The following VPS8 variants were observed in gnomAD, a reference collection of about 807,000 sequenced individuals.
VPS8 encodes VPS8 subunit of CORVET complex.
VPS8 carries 129 observed loss-of-function variants against 216.4 expected under a neutral mutation model. The observed-to-expected ratio is 0.60, with a 90% CI of 0.52 to 0.69. The LOEUF (loss-of-function observed/expected upper bound fraction) is 0.69. Ranked by LOEUF, VPS8 falls within the 30% of genes least tolerant of loss-of-function variation. VPS8 has a pLI of 0.00. For missense variants in VPS8, 1,531 were observed against 1,683.5 expected, an observed-to-expected ratio of 0.91 and a Z score of 1.59; for synonymous variants, 571 against 565.4, an observed-to-expected ratio of 1.01 and a Z score of -0.14.
At chr3:184,974,934 G>C (rs1749019581) in intron 40 of VPS8, among the ~76,000 whole-genome samples, 2 of 152,108 alleles carry the variant, frequency 1.3e-5, no homozygotes, top group South Asian at 2.1e-4. Context: ...TTTCATACCA[G>C]TACTGTGCTG....
chr3:184,891,260 TTC>T (rs1732290056), intron 22 of VPS8, among the ~76,000 whole-genome samples: 1 of 152,170 alleles, frequency 6.6e-6, no homozygotes, highest in Non-Finnish European at 1.5e-5. Flanking sequence ...CCAAAAATGT[TTC>T]TGTTAAATCC....
At chr3:184,969,074 T>A (rs1163347632) in intron 39 of VPS8, among the ~76,000 whole-genome samples, 1 of 152,190 alleles carries the variant, frequency 6.6e-6, no homozygotes, top group Middle Eastern at 3.2e-3. Flanking sequence ...TTATGTTTGT[T>A]ACATTTTGTG....
intron 45 of VPS8, among the ~76,000 whole-genome samples, chr3:185,005,421 T>C (rs9825555): frequency 0.089 from 13,591 of 152,182 alleles, 646 homozygotes; most frequent in African/African-American, 0.096. Flanking sequence ...ATGATGATGG[T>C]ATTTTGATGG....
At chr3:184,862,548 A>G (rs866428899) in intron 15 of VPS8, among the ~76,000 whole-genome samples, 1 of 152,214 alleles carries the variant, frequency 6.6e-6, no homozygotes, top group Admixed American at 6.5e-5. Flanking sequence ...TTTCAGCAAT[A>G]TCAGAAAAAC....
At chr3:185,002,043 TTA>T (rs1753491119) in intron 45 of VPS8, among the ~76,000 whole-genome samples, 1 of 152,094 alleles carries the variant, frequency 6.6e-6, no homozygotes, top group Non-Finnish European at 1.5e-5. Context: ...CTAGACGAGT[TTA>T]AGTGCAACAA....
chr3:184,982,368 T>C, intron 40 of VPS8, 198 bp from the exon 41 acceptor site: 1 of 547,988 alleles, frequency 1.8e-6, no homozygotes, highest in Non-Finnish European at 3.2e-6. Context: ...GTTCTAGCTG[T>C]GGTTTCTGCT....
At chr3:184,831,289 T>C (rs549057557) in intron 3 of VPS8, among the ~76,000 whole-genome samples, 11 of 152,292 alleles carry the variant, frequency 7.2e-5, no homozygotes, top group Admixed American at 6.5e-4. Context: ...ATTGTGCTAC[T>C]GCACACCGGC....
chr3:184,845,645 C>G (rs997238599), intron 8 of VPS8, among the ~76,000 whole-genome samples: 7 of 151,082 alleles, frequency 4.6e-5, no homozygotes, highest in Non-Finnish European at 8.8e-5. Context: ...ATCCCAGCAA[C>G]TTGGGAGGCT....
intron 10 of VPS8, among the ~76,000 whole-genome samples, chr3:184,851,093 A>G (rs754986531): frequency 6.6e-6 from 1 of 152,224 alleles, no homozygotes; most frequent in African/African-American, 2.4e-5. Context: ...TGTTTTACCC[A>G]TAGTAGCTGC....
intron 20 of VPS8, among the ~76,000 whole-genome samples, chr3:184,869,966 T>C (rs1374619898): frequency 2.0e-5 from 3 of 151,790 alleles, no homozygotes; most frequent in Admixed American, 6.5e-5. Flanking sequence ...TTTTCTTTTT[T>C]CCCTTGCTCA....
chr3:184,812,169 G>GCAGT lies in VPS8; in HGVS notation c.-144_-141dup, dbSNP rs1165602804. On this transcript the variant is annotated 5_prime_UTR_variant, in exon 1 of 48. Transcript: ENST00000625842. ...GGTAGTGCGCGTGCGTGAGGCTAGA[G>GCAGT]CAGTGGGTGCGGTCACGTGGGCCGG... 1.3e-5 allele frequency: 2 copies of GCAGT among 152,558 alleles called. No individual in the cohort carries two copies. The highest frequency in any genetic ancestry group is 3.9e-4 in the East Asian group (2 of 5,194). 9.5% of individuals were successfully genotyped at this position (152,558 alleles called of 1,614,324 possible).
chr3:184,973,706 C>T (rs2109662254), intron 40 of VPS8, among the ~76,000 whole-genome samples: 1 of 152,232 alleles, frequency 6.6e-6, no homozygotes, highest in East Asian at 1.9e-4. Flanking sequence ...TACCCCCACC[C>T]ATCCTTACCA....
intron 1 of VPS8, among the ~76,000 whole-genome samples, chr3:184,820,343 A>G (rs1327796917): frequency 4.6e-5 from 7 of 152,108 alleles, no homozygotes; most frequent in Admixed American, 1.3e-4. Flanking sequence ...TCCGTGTTCA[A>G]CGCCTGTGAC....
At chr3:184,999,053 T>C (rs1358652301) in intron 44 of VPS8, among the ~76,000 whole-genome samples, 1 of 151,642 alleles carries the variant, frequency 6.6e-6, no homozygotes, top group Non-Finnish European at 1.5e-5. Flanking sequence ...GGCTAATTTT[T>C]TGGTTTTTGG....
chr3:184,927,927 C>T (rs111933491), intron 31 of VPS8, among the ~76,000 whole-genome samples: 2 of 152,302 alleles, frequency 1.3e-5, no homozygotes, highest in African/African-American at 4.8e-5. Context: ...AACAGTATTC[C>T]GTTGTATGCA....
chr3:185,027,546 C>G (rs1044931915), intron 46 of VPS8, among the ~76,000 whole-genome samples: 2 of 152,098 alleles, frequency 1.3e-5, no homozygotes, highest in African/African-American at 4.8e-5. Context: ...CCGGCTCTTA[C>G]GTTCTTTATG....
At chr3:184,889,573 T>C (rs1192261716) in intron 22 of VPS8, among the ~76,000 whole-genome samples, 2 of 152,092 alleles carry the variant, frequency 1.3e-5, no homozygotes, top group Non-Finnish European at 2.9e-5. Flanking sequence ...AGATCCTGCC[T>C]CTGCTTGGGA....
At chr3:184,901,995 TG>T (rs1474551329) in intron 25 of VPS8, among the ~76,000 whole-genome samples, 1 of 152,152 alleles carries the variant, frequency 6.6e-6, no homozygotes, top group East Asian at 1.9e-4. Flanking sequence ...TAATGAGTAA[TG>T]GTATTTCATT....
At chr3:184,836,152 G>A (rs1197770738) in intron 5 of VPS8, 3 of 402,626 alleles carry the variant, frequency 7.5e-6, no homozygotes, top group Admixed American at 6.5e-5. Context: ...AACAATTGGG[G>A]TATCCTGACC....
Sources: allele counts gnomAD v4.1 joint callset (sites outside exome capture counted in the v4.1 genomes callset), GRCh38; gene constraint gnomAD v4.1.1; transcripts MANE v1.5; gene names NCBI Gene and HGNC (gene_info 2026-07-23, HGNC 2026-07-21).